The following CATSPER3 variants were observed in gnomAD, a reference collection of about 807,000 sequenced individuals.
CATSPER3 encodes cation channel sperm-associated protein 3.
In CATSPER3, 23 loss-of-function variants were observed where a neutral mutation model predicts 36.6. That is an observed-to-expected ratio of 0.63 (90% CI 0.45 to 0.89). The LOEUF (loss-of-function observed/expected upper bound fraction) is 0.89, where lower values mean the gene tolerates loss of function less well. CATSPER3 is among the 40% of genes least tolerant of loss of function. CATSPER3 has a pLI of 0.00. For missense variants in CATSPER3, 474 were observed against 503.9 expected, an observed-to-expected ratio of 0.94 and a Z score of 0.57; for synonymous variants, 172 against 184.1, an observed-to-expected ratio of 0.93 and a Z score of 0.53.
chr5:134,978,110 A>G (rs1308842073), intron 2 of CATSPER3, among the ~76,000 whole-genome samples: 1 of 152,220 alleles, frequency 6.6e-6, no homozygotes, highest in Admixed American at 6.5e-5. Context: ...GGAGACGAAC[A>G]TCCAAACCGT....
chr5:134,997,463 G>T (rs926774286), intron 3 of CATSPER3, among the ~76,000 whole-genome samples: 2 of 151,950 alleles, frequency 1.3e-5, no homozygotes, highest in Admixed American at 6.6e-5. Flanking sequence ...AAAGGTGTCT[G>T]TACTTCCAGT....
At chr5:134,994,973 CCTTT>C (rs1429003776) in intron 2 of CATSPER3, among the ~76,000 whole-genome samples, 3 of 151,000 alleles carry the variant, frequency 2.0e-5, no homozygotes, top group Admixed American at 1.3e-4. Context: ...CTCTCTGCCT[CCTTT>C]CTTTCTTTCC....
chr5:135,011,509 T>C lies in CATSPER3; in HGVS notation c.1095-12T>C, dbSNP rs1034859312. On this transcript the variant is annotated splice_polypyrimidine_tract_variant and intron_variant, in intron 7 of 7. Transcript: ENST00000282611. ...GACCTCAGATCTTATCTCCTCCTGCTCCATTTTTCAGGCTTCAAGAGCTGT... is the reference window on the plus strand; with the variant it reads ...GACCTCAGATCTTATCTCCTCCTGCCCCATTTTTCAGGCTTCAAGAGCTGT... 1.9e-6 allele frequency: 3 copies of C among 1,605,810 alleles called. No homozygotes were observed. Among genetic ancestry groups the C allele is most frequent in the East Asian group, 4.5e-5 (2 of 44,832 alleles).
intron 2 of CATSPER3, among the ~76,000 whole-genome samples, chr5:134,986,982 A>G (rs751785882): frequency 6.6e-6 from 1 of 152,202 alleles, no homozygotes; most frequent in Non-Finnish European, 1.5e-5. Context: ...AAGAGCAGAT[A>G]AAGCTAGCAG....
rs567407656 is a variant in CATSPER3 at position 135,010,312 on chromosome 5, C to T, written c.937-61C>T. On this transcript the variant is annotated intron_variant, in intron 6 of 7. Coordinates refer to ENST00000282611, the MANE Select transcript of CATSPER3 (RefSeq NM_178019.3). ...GGCCCATCCTGGAGAGTCTCCATGTCTCTGTGCAGCTCGGCTGTCACCTCC... is the reference window on the plus strand; with the variant it reads ...GGCCCATCCTGGAGAGTCTCCATGTTTCTGTGCAGCTCGGCTGTCACCTCC... 8.6e-5 allele frequency: 124 copies of T among 1,449,488 alleles called. No homozygotes were observed. The African/African-American group carries it at 1.5e-3, about 17-fold the overall frequency. The allele number at this position is 1,449,488 out of a possible 1,614,324, so 89.8% of individuals were successfully genotyped here.
chr5:135,005,534 C>T (rs1030710773), intron 3 of CATSPER3, among the ~76,000 whole-genome samples: 13 of 152,188 alleles, frequency 8.5e-5, no homozygotes, highest in African/African-American at 3.1e-4. Context: ...GCCTGCTGGC[C>T]ATGGGGAGCT....
At chr5:134,986,852 A>G (rs1426909645) in intron 2 of CATSPER3, among the ~76,000 whole-genome samples, 3 of 152,210 alleles carry the variant, frequency 2.0e-5, no homozygotes, top group African/African-American at 4.8e-5. Flanking sequence ...AACAAAACTC[A>G]TAGGATGCAG....
chr5:135,009,239 C>A (rs299378), intron 5 of CATSPER3, 132 bp from the exon 6 acceptor site: 32 of 1,033,586 alleles, frequency 3.1e-5, no homozygotes, highest in Non-Finnish European at 4.5e-5. Flanking sequence ...GCTTGAGTGG[C>A]GGCTGGCCCT....
In CATSPER3 at chr5:135,009,359, C is replaced by T; in HGVS notation, c.817-12C>T. 2 of 1,613,178 alleles carry T rather than the reference C, an allele frequency of 1.2e-6. No homozygotes were observed. Among genetic ancestry groups the T allele is most frequent in the Non-Finnish European group, 1.7e-6 (2 of 1,179,566 alleles). On this transcript the variant is annotated splice_polypyrimidine_tract_variant and intron_variant, in intron 5 of 7. Transcript: ENST00000282611. Reference sequence around the variant, plus strand: ...AGAGCCTGTAGTTGACCTCCATCGTCTGACTCTCTAGGACTCCATCAGAAA... The same window carrying T: ...AGAGCCTGTAGTTGACCTCCATCGTTTGACTCTCTAGGACTCCATCAGAAA...
At chr5:134,982,930 T>G (rs1751767049) in intron 2 of CATSPER3, among the ~76,000 whole-genome samples, 1 of 152,204 alleles carries the variant, frequency 6.6e-6, no homozygotes, top group Non-Finnish European at 1.5e-5. Context: ...GAGATGAAGC[T>G]GTATAGAGCA....
At chr5:135,008,408 A>G (rs539670117) in intron 4 of CATSPER3, among the ~76,000 whole-genome samples, 1 of 152,308 alleles carries the variant, frequency 6.6e-6, no homozygotes, top group East Asian at 1.9e-4. Context: ...ATGATAATTC[A>G]TTTGGATTAA....
intron 2 of CATSPER3, among the ~76,000 whole-genome samples, chr5:134,976,939 G>C (rs1466335113): frequency 2.6e-5 from 4 of 152,214 alleles, no homozygotes; most frequent in African/African-American, 9.6e-5. Context: ...GGAGAAGCCA[G>C]GATGTGGGGA....
intron 1 of CATSPER3, chr5:134,968,959 C>G (rs563778468): frequency 6.6e-6 from 1 of 151,986 alleles, no homozygotes; most frequent in African/African-American, 2.4e-5. Flanking sequence ...TAATTTTGAA[C>G]AGAGAATTTT....
intron 5 of CATSPER3, 28 bp downstream of exon 5, chr5:135,009,009 G>A: frequency 6.2e-7 from 1 of 1,613,906 alleles, no homozygotes; most frequent in Non-Finnish European, 8.5e-7. Flanking sequence ...AGGATCGGAG[G>A]TCAGGGCAGG....
At position 135,001,000 on chromosome 5, in the gene CATSPER3, T is replaced by G. The variant is rs1321515054; in HGVS notation, c.492+4488T>G. 2.0e-5 allele frequency among the ~76,000 whole-genome samples: 3 copies of G among 152,140 alleles called. No individual in the cohort carries two copies. In the East Asian group the frequency reaches 5.8e-4, roughly 29 times the overall value. On this transcript the variant is annotated intron_variant, in intron 3 of 7. Transcript: ENST00000282611. ...TGTGTTTGCTCTTGCTTCTCTAGTTTTTTTAATTGTGATGTTAGGGTGTCA... is the reference window on the plus strand; with the variant it reads ...TGTGTTTGCTCTTGCTTCTCTAGTTGTTTTAATTGTGATGTTAGGGTGTCA...
At chr5:134,972,796 T>A (rs553949528) in intron 2 of CATSPER3, among the ~76,000 whole-genome samples, 1 of 152,306 alleles carries the variant, frequency 6.6e-6, no homozygotes, top group East Asian at 1.9e-4. Flanking sequence ...AGAGCACACA[T>A]TGCATACCTG....
rs1196929204 is a variant in CATSPER3 at position 135,008,012 on chromosome 5, T to G, written c.548T>G (p.Leu183Arg). ...TACACCGTGGCCTCTGTGCTCCTCC[T>G]GCTCTTCCTCCTCATGTACATCTTC... The part of the protein sequence containing the change: ...TVYTVASVLL[L>R]LFLLMYIFAI... The change falls in exon 4 of 8, where the codon CTG becomes CGG. Residue 183 changes from leucine to arginine, a missense_variant. By Grantham distance (102) the Leu-to-Arg change is moderately radical. Coordinates refer to ENST00000282611, the MANE Select transcript of CATSPER3 (RefSeq NM_178019.3). The G allele has an allele frequency of 6.2e-7, 1 of 1,614,068 alleles. No individual in the cohort carries two copies. The highest frequency in any genetic ancestry group is 1.1e-5 in the South Asian group (1 of 91,092).
chr5:134,991,444 C>T (rs1311461358), intron 2 of CATSPER3, among the ~76,000 whole-genome samples: 1 of 152,146 alleles, frequency 6.6e-6, no homozygotes, highest in South Asian at 2.1e-4. Context: ...ATAGGATAGA[C>T]ATATAGACCA....
chr5:134,984,907 C>G (rs545036898), intron 2 of CATSPER3, among the ~76,000 whole-genome samples: 1 of 151,790 alleles, frequency 6.6e-6, no homozygotes, highest in Non-Finnish European at 1.5e-5. Context: ...GAAACCTCTG[C>G]TCTCAGGTTC....
Sources: gnomAD v4.1 joint callset for allele counts (sites outside exome capture counted in the v4.1 genomes callset) on GRCh38, gnomAD v4.1.1 for gene constraint, MANE v1.5 for transcripts, NCBI Gene and HGNC (gene_info 2026-07-23, HGNC 2026-07-21) for gene names.